DPYD: variants seen among roughly 807,000 people sequenced by gnomAD.
The protein encoded by DPYD is dihydropyrimidine dehydrogenase.
Under a neutral mutation model 116.2 loss-of-function variants are expected in DPYD, and 109 were observed. The ratio of observed to expected loss-of-function variants is 0.94; its 90% CI spans 0.80 to 1.10. The LOEUF is 1.10. Ranked by LOEUF, DPYD falls within the 50% of genes least tolerant of loss-of-function variation. DPYD has a pLI of 0.00. For missense variants in DPYD, 1,302 were observed against 1,254.5 expected, an observed-to-expected ratio of 1.04 and a Z score of -0.57; for synonymous variants, 440 against 432.0, an observed-to-expected ratio of 1.02 and a Z score of -0.23.
intron 19 of DPYD, among the ~76,000 whole-genome samples, chr1:97,234,309 TCACTACATCTCA>T (rs2100746661): frequency 6.6e-6 from 1 of 152,276 alleles, no homozygotes; most frequent in Non-Finnish European, 1.5e-5. Flanking sequence ...AGAGTACAAT[TCACTACATCTCA>T]CAGCATCCCT....
intron 3 of DPYD, among the ~76,000 whole-genome samples, chr1:97,814,932 G>GAAA (rs1553245545): frequency 5.5e-5 from 3 of 54,842 alleles, no homozygotes; most frequent in South Asian, 1.3e-3. Context: ...GAAAGAGAGA[G>GAAA]GAAAGAAAGA....
chr1:97,671,907 T>C (rs1234444057), intron 8 of DPYD, among the ~76,000 whole-genome samples: 1 of 114,132 alleles, frequency 8.8e-6, no homozygotes, highest in African/African-American at 3.3e-5. Context: ...TCTTTTTTTG[T>C]CTTTTCTTTT....
chr1:97,318,797 C>T (rs1668033441), intron 16 of DPYD, among the ~76,000 whole-genome samples: 1 of 149,644 alleles, frequency 6.7e-6, no homozygotes, highest in Admixed American at 6.7e-5. Context: ...AGCACCACAC[C>T]ACACCTATTC....
chr1:97,466,967 A>G (rs1677359829), intron 13 of DPYD, among the ~76,000 whole-genome samples: 1 of 152,196 alleles, frequency 6.6e-6, no homozygotes, highest in Admixed American at 6.5e-5. Context: ...GAGCCCAAGC[A>G]TGGAAATAAA....
At chr1:97,575,895 C>T (rs769893495) in intron 10 of DPYD, among the ~76,000 whole-genome samples, 5 of 152,040 alleles carry the variant, frequency 3.3e-5, no homozygotes, top group Admixed American at 1.3e-4. Flanking sequence ...CTCATAGTTG[C>T]TATTTTCTGA....
intron 13 of DPYD, among the ~76,000 whole-genome samples, 155 bp downstream of exon 13, chr1:97,515,571 G>A (rs1648155417): frequency 6.6e-6 from 1 of 150,478 alleles, no homozygotes; most frequent in African/African-American, 2.4e-5. Context: ...GGACAGAAAG[G>A]AAGGAAAGAA....
chr1:97,907,692 T>TCCTC (rs1386512847), intron 1 of DPYD, among the ~76,000 whole-genome samples: 1 of 152,072 alleles, frequency 6.6e-6, no homozygotes, highest in African/African-American at 2.4e-5. Context: ...CCCTGCTTCC[T>TCCTC]CCTCCCTCCC....
At chr1:97,849,610 G>C (rs186492991) in intron 2 of DPYD, among the ~76,000 whole-genome samples, 14 of 151,750 alleles carry the variant, frequency 9.2e-5, no homozygotes, top group Non-Finnish European at 1.6e-4. Flanking sequence ...TAGAAGTTTG[G>C]CACCAGAACC....
intron 15 of DPYD, among the ~76,000 whole-genome samples, chr1:97,381,829 G>A (rs1348905531): frequency 6.6e-6 from 1 of 152,106 alleles, no homozygotes; most frequent in Non-Finnish European, 1.5e-5. Flanking sequence ...AAGGCACATG[G>A]TTACTTGTTT....
chr1:97,124,509 C>T (rs1652685484), intron 20 of DPYD, among the ~76,000 whole-genome samples: 1 of 152,094 alleles, frequency 6.6e-6, no homozygotes, highest in Admixed American at 6.6e-5. Flanking sequence ...TTCAGTAGGT[C>T]AGTGTCCACA....
rs146677753 is a variant in DPYD, at chr1:97,700,164, C to T, written c.484-617G>A. The stretch of plus-strand genomic sequence containing the variant: ...AGTTAAGTGACCAGAAGTCACTTTT[C>T]CCCTGAGGGATTTGCGACTTCTTAC... On this transcript the variant is annotated intron_variant, in intron 5 of 22. Transcript: ENST00000370192. 2.0e-3 allele frequency: 890 copies of T among 453,276 alleles called. 5 individuals carry two copies. Among genetic ancestry groups the T allele is most frequent in the African/African-American group, 0.016 (810 of 49,938 alleles). 28.1% of individuals were successfully genotyped at this position (453,276 alleles called of 1,614,324 possible).
intron 3 of DPYD, among the ~76,000 whole-genome samples, chr1:97,795,367 A>G (rs1050597733): frequency 1.3e-5 from 2 of 152,086 alleles, no homozygotes; most frequent in Admixed American, 1.3e-4. Context: ...CTAACTGCTA[A>G]AAGTGTATAA....
At chr1:97,206,183 G>A (rs1659584322) in intron 19 of DPYD, among the ~76,000 whole-genome samples, 1 of 151,804 alleles carries the variant, frequency 6.6e-6, no homozygotes, top group Non-Finnish European at 1.5e-5. Context: ...AACTCAAAGG[G>A]GACAGGGGAG....
At chr1:97,881,691 TA>T (rs1672228902) in intron 2 of DPYD, among the ~76,000 whole-genome samples, 1 of 151,998 alleles carries the variant, frequency 6.6e-6, no homozygotes, top group Admixed American at 6.6e-5. Flanking sequence ...CATTTCGAAA[TA>T]AAGTCCTGAC....
At chr1:97,378,769 C>T (rs940435929) in intron 15 of DPYD, among the ~76,000 whole-genome samples, 2 of 152,102 alleles carry the variant, frequency 1.3e-5, no homozygotes, top group Non-Finnish European at 2.9e-5. Context: ...AGCAGTGAAC[C>T]ATGCAAGGGT....
intron 5 of DPYD, among the ~76,000 whole-genome samples, chr1:97,706,556 C>G (rs1212543402): frequency 6.6e-6 from 1 of 152,178 alleles, no homozygotes; most frequent in East Asian, 1.9e-4. Context: ...AATCACTGGT[C>G]TTTTTAGTGC....
intron 12 of DPYD, among the ~76,000 whole-genome samples, chr1:97,527,278 C>T (rs1372378980): frequency 1.3e-5 from 2 of 152,048 alleles, no homozygotes; most frequent in East Asian, 1.9e-4. Context: ...AGGGTTTCAC[C>T]ATGTTGGCCA....
At chr1:97,561,760 G>A (rs2811218) in intron 11 of DPYD, among the ~76,000 whole-genome samples, 35,572 of 151,928 alleles carry the variant, frequency 0.23, 4,722 homozygotes, top group African/African-American at 0.34. Flanking sequence ...TAATCTAGAC[G>A]AAGAAACTCC....
intron 11 of DPYD, among the ~76,000 whole-genome samples, chr1:97,556,854 C>G (rs1184692632): frequency 6.6e-6 from 1 of 150,660 alleles, no homozygotes; most frequent in Non-Finnish European, 1.5e-5. Flanking sequence ...GATTTATAGT[C>G]CTTTGGGTAT....
Sources: allele counts gnomAD v4.1 joint callset (sites outside exome capture counted in the v4.1 genomes callset), GRCh38; gene constraint gnomAD v4.1.1; transcripts MANE v1.5; gene names NCBI Gene and HGNC (gene_info 2026-07-23, HGNC 2026-07-21).